CD1A: variants seen among roughly 807,000 people sequenced by gnomAD.
CD1A encodes CD1a molecule, also known as T-cell surface glycoprotein CD1a.
A neutral mutation model predicts 38.3 loss-of-function variants in CD1A; 50 were observed. That is an observed-to-expected ratio of 1.30 (90% confidence interval 1.04 to 1.65). The LOEUF (loss-of-function observed/expected upper bound fraction) is 1.65, where lower values mean the gene tolerates loss of function less well. Ranked by LOEUF, CD1A falls within the 40% of genes most tolerant of loss-of-function variation. The pLI is 0.00. For missense variants in CD1A, 459 were observed against 406.1 expected (o/e 1.13, Z -1.12); for synonymous variants, 160 against 150.8 (o/e 1.06, Z -0.45).
At chr1:158,256,730 T>C (rs898802981) in intron 3 of CD1A, 56 bp from the exon 4 acceptor site, 5 of 1,569,350 alleles carry the variant, frequency 3.2e-6, no homozygotes, top group Admixed American at 1.8e-5. Context: ...TTCTAAACTG[T>C]TGTGGAGATA....
At chr1:158,252,946 T>C (rs184697342), upstream of CD1A, among the ~76,000 whole-genome samples, 2 of 151,630 alleles carry the variant, frequency 1.3e-5, no homozygotes, top group Middle Eastern at 3.4e-3. Context: ...AAAAATTATT[T>C]GCAGGCCATG....
chr1:158,256,129 T>C lies in CD1A; in HGVS notation c.451T>C (p.Tyr151His). ...VSFQNNSWLP[Y>H]PVAGNMAKHF... is the part of the protein sequence containing the mutation. ...CTTCCAGAACAATTCATGGTTGCCA[T>C]ATCCAGTGGCTGGGAATATGGCCAA... Residue 151 changes from tyrosine (Y) to histidine (H), a missense_variant, in exon 3 of 6, where the codon TAT becomes CAT. Transcript: ENST00000289429. 1 of 1,614,170 alleles carries C rather than the reference T, an allele frequency of 6.2e-7. No individual in the cohort carries two copies. Among genetic ancestry groups the C allele is most frequent in the Non-Finnish European group, 8.5e-7 (1 of 1,180,022 alleles).
At position 158,255,162 on chromosome 1, in the gene CD1A, C is replaced by CA; in HGVS notation, c.138dup (p.Gly47ArgfsTer5). On this transcript the variant is annotated frameshift_variant, in exon 2 of 6. Coordinates refer to ENST00000289429, the MANE Select transcript of CD1A (RefSeq NM_001763.3). LOFTEE classifies it high-confidence loss of function. ...CATTCCTGGAAACAAAATCTGGTCT[C>CA]AGGTTGGCTGAGTGATTTGCAGACT... 6.2e-7 allele frequency: 1 copy of CA among 1,614,138 alleles called. No homozygotes were observed. The highest frequency in any genetic ancestry group is 1.7e-5 in the Admixed American group (1 of 60,016).
intron 3 of CD1A, 25 bp downstream of exon 3, chr1:158,256,307 GA>G (rs758094851): frequency 6.3e-7 from 1 of 1,595,774 alleles, no homozygotes; most frequent in Non-Finnish European, 8.5e-7. Flanking sequence ...CTCCCTCCAA[GA>G]AGTTTTGATT....
At chr1:158,257,604 C>G (rs1436711180) in intron 5 of CD1A, 77 bp from the exon 6 acceptor site, 2 of 1,568,658 alleles carry the variant, frequency 1.3e-6, no homozygotes, top group Admixed American at 1.7e-5. Context: ...TCTTCTCTCC[C>G]CAGTCCCCTT....
chr1:158,249,835 TG>T (rs1194965503), upstream of CD1A, among the ~76,000 whole-genome samples: 1 of 152,214 alleles, frequency 6.6e-6, no homozygotes, highest in Non-Finnish European at 1.5e-5. Context: ...GCATGCAAGC[TG>T]CCCACTGGCT....
intron 4 of CD1A, 120 bp from the exon 5 acceptor site, chr1:158,257,300 GA>G: frequency 1.0e-6 from 1 of 969,768 alleles, no homozygotes; most frequent in Non-Finnish European, 1.6e-6. Flanking sequence ...AGAAAAAAAG[GA>G]GATTGGTAAG....
At chr1:158,254,393 T>C (rs1214957322), upstream of CD1A, 12 of 1,289,170 alleles carry the variant, frequency 9.3e-6, no homozygotes, top group Non-Finnish European at 1.2e-5. Flanking sequence ...TCAGACTTGT[T>C]CCATAGCAGT....
Position 158,255,124 on chromosome 1 carries a change from A to C in CD1A, c.99A>C (p.Ala33=). Reference sequence around the variant, plus strand: ...TCTCCTTCCATGTCACCTGGATCGCATCCTTTTACAACCATTCCTGGAAAC... The same window carrying C: ...TCTCCTTCCATGTCACCTGGATCGCCTCCTTTTACAACCATTCCTGGAAAC... ...EPLSFHVTWI[A]SFYNHSWKQN... The change falls in exon 2 of 6, where the codon GCA becomes GCC. Residue 33 remains alanine (A), a synonymous_variant. Transcript: ENST00000289429. 6.2e-7 allele frequency: 1 copy of C among 1,613,972 alleles called. No homozygotes were observed. Among genetic ancestry groups the C allele is most frequent in the Non-Finnish European group, 8.5e-7 (1 of 1,179,994 alleles).
At chr1:158,257,632 T>G (rs891172775) in intron 5 of CD1A, 49 bp from the exon 6 acceptor site, 1 of 1,609,396 alleles carries the variant, frequency 6.2e-7, no homozygotes, top group East Asian at 2.2e-5. Context: ...GCTCCTCAAT[T>G]CTCAGCTCCA....
chr1:158,251,460 C>T (rs1157575337), upstream of CD1A, among the ~76,000 whole-genome samples: 1 of 152,152 alleles, frequency 6.6e-6, no homozygotes, highest in Admixed American at 6.5e-5. Context: ...TAGGGTGGGG[C>T]TGGTTTGCCA....
Position 158,257,455 on chromosome 1 carries a change from G to C in CD1A, c.918G>C (p.Ala306=). The C allele has an allele frequency of 6.2e-7, 1 of 1,614,148 alleles. No homozygotes were observed. The highest frequency in any genetic ancestry group is 8.5e-7 in the Non-Finnish European group (1 of 1,180,004). Residue 306 remains alanine (A), a synonymous_variant, in exon 5 of 6, where the codon GCG becomes GCC. Transcript: ENST00000289429. ...HHSSVGFIIL[A]VIVPLLLLIG... ...GTTCCGTGGGCTTCATCATCTTGGC[G>C]GTGATAGTGCCTTTACTTCTTCTGA... is the stretch of plus-strand genomic sequence containing the variant.
chr1:158,249,423 G>A, the CD1A span, among the ~76,000 whole-genome samples: 182 of 152,220 alleles, frequency 1.2e-3, no homozygotes, highest in Middle Eastern at 3.4e-3. Context: ...ATGGTGGAAG[G>A]GGTCAGGGGT....
intron 3 of CD1A, 59 bp downstream of exon 3, chr1:158,256,341 C>A: frequency 6.6e-7 from 1 of 1,504,470 alleles, no homozygotes; most frequent in Non-Finnish European, 9.0e-7. Flanking sequence ...CCTTCCACCA[C>A]CTCCTTCCAA....
upstream of CD1A, among the ~76,000 whole-genome samples, chr1:158,251,565 T>A (rs1379853072): frequency 6.6e-6 from 1 of 152,208 alleles, no homozygotes; most frequent in Non-Finnish European, 1.5e-5. Context: ...TTCTTCTAGC[T>A]GCAGACTCGT....
upstream of CD1A, among the ~76,000 whole-genome samples, chr1:158,252,239 G>A (rs1484995850): frequency 6.6e-6 from 1 of 151,886 alleles, no homozygotes; most frequent in African/African-American, 2.4e-5. Context: ...TCATGAGAGA[G>A]GATTTATCTG....
chr1:158,250,828 G>A (rs76651095), upstream of CD1A, among the ~76,000 whole-genome samples: 9,632 of 152,246 alleles, frequency 0.063, 369 homozygotes, highest in African/African-American at 0.11. Flanking sequence ...GCCTCATAAA[G>A]TTTTAAAAGA....
upstream of CD1A, among the ~76,000 whole-genome samples, chr1:158,253,323 A>T (rs901383954): frequency 6.6e-6 from 1 of 152,208 alleles, no homozygotes; most frequent in Non-Finnish European, 1.5e-5. Flanking sequence ...TAGGACTAAT[A>T]AAAAGGGATC....
At chr1:158,251,942 C>T (rs535509336), upstream of CD1A, among the ~76,000 whole-genome samples, 23 of 151,968 alleles carry the variant, frequency 1.5e-4, no homozygotes, top group South Asian at 8.3e-4. Context: ...CTGCAACCTC[C>T]GCCTCCCGGG....
Sources: gnomAD v4.1 joint callset for allele counts (sites outside exome capture counted in the v4.1 genomes callset) on GRCh38, gnomAD v4.1.1 for gene constraint, MANE v1.5 for transcripts, NCBI Gene and HGNC (gene_info 2026-07-23, HGNC 2026-07-21) for gene names.